Variants in FRMD5 observed in about 807,000 individuals in gnomAD.
The protein encoded by FRMD5 is FERM domain-containing protein 5.
A neutral mutation model predicts 69.0 loss-of-function variants in FRMD5; 20 were observed. That is an observed-to-expected ratio of 0.29 (90% CI 0.20 to 0.42). The LOEUF is 0.42. Ranked by LOEUF, FRMD5 falls within the 10% of genes least tolerant of loss-of-function variation. The pLI, the probability that FRMD5 is intolerant of heterozygous loss-of-function variation, is 1.00. For synonymous variants in FRMD5, 271 were observed against 260.1 expected (o/e 1.04, Z -0.40); for missense variants, 595 against 708.6 (o/e 0.84, Z 1.82).
Position 43,897,721 on chromosome 15 carries a change from T to C in FRMD5, c.639+4454A>G, listed in dbSNP as rs553066793. ...CATAAAGACACTGGTGAACTTACAT[T>C]AAATTTTTATAGGATGATGATATGG... On this transcript the variant is annotated intron_variant, in intron 7 of 13. Transcript: ENST00000417257. 2.0e-5 allele frequency among the ~76,000 whole-genome samples: 3 copies of C among 152,224 alleles called. No homozygotes were observed. In the East Asian group the frequency reaches 5.8e-4, roughly 29 times the overall value.
chr15:44,096,396 G>A (rs567252445), intron 1 of FRMD5, among the ~76,000 whole-genome samples: 57 of 150,038 alleles, frequency 3.8e-4, no homozygotes, highest in African/African-American at 1.3e-3. Flanking sequence ...AATCTAGTAC[G>A]GTGTATCTTT....
intron 1 of FRMD5, among the ~76,000 whole-genome samples, chr15:43,992,389 A>AT (rs1224938007): frequency 9.2e-6 from 1 of 108,962 alleles, no homozygotes; most frequent in Admixed American, 9.0e-5. Context: ...ATTTATTTTT[A>AT]TTTTTTTGAG....
chr15:43,911,993 G>A (rs998324230), intron 4 of FRMD5, among the ~76,000 whole-genome samples: 5 of 152,088 alleles, frequency 3.3e-5, no homozygotes, highest in Admixed American at 3.3e-4. Context: ...TCTCCTCAGC[G>A]CTTGCTACTC....
intron 1 of FRMD5, among the ~76,000 whole-genome samples, chr15:44,093,604 G>C (rs1392578973): frequency 4.1e-5 from 6 of 147,032 alleles, no homozygotes. Flanking sequence ...ACGGAGTCTC[G>C]CTCTGTCGCC....
chr15:44,030,459 A>C (rs1366010049), intron 1 of FRMD5, among the ~76,000 whole-genome samples: 1 of 152,182 alleles, frequency 6.6e-6, no homozygotes, highest in Non-Finnish European at 1.5e-5. Context: ...ATAATTCAGC[A>C]CTACTTTATG....
rs778551410 is a variant in FRMD5 at position 43,924,354 on chromosome 15, A to T, written c.103-45T>A. ...CATTGAGAAATGAGTGGGTTTCTTC[A>T]GTGTAACTTTTTTTTTTTTTATAGC... is the stretch of plus-strand genomic sequence containing the variant. On this transcript the variant is annotated intron_variant, in intron 1 of 13. Coordinates refer to ENST00000417257, the MANE Select transcript of FRMD5 (RefSeq NM_032892.5). The T allele has an allele frequency of 2.1e-6, 3 of 1,411,318 alleles. No homozygotes were observed. The South Asian group carries it at 3.7e-5, about 17-fold the overall frequency. The allele number at this position is 1,411,318 out of a possible 1,614,324, so 87.4% of individuals were successfully genotyped here. A position where few individuals can be genotyped will look rare whatever the true frequency, so the allele number is the denominator to read the frequency against.
chr15:44,104,641 CA>C (rs1463844753), intron 1 of FRMD5, among the ~76,000 whole-genome samples: 1 of 152,142 alleles, frequency 6.6e-6, no homozygotes, highest in African/African-American at 2.4e-5. Context: ...CTATAGTATT[CA>C]GTACAGTAAC....
At chr15:43,893,029 A>G (rs1435271295) in intron 7 of FRMD5, among the ~76,000 whole-genome samples, 1 of 151,782 alleles carries the variant, frequency 6.6e-6, no homozygotes, top group Non-Finnish European at 1.5e-5. Flanking sequence ...GCTTGAACCC[A>G]GGAGGTGGAG....
At chr15:44,109,369 A>G (rs1338630516) in intron 1 of FRMD5, among the ~76,000 whole-genome samples, 22 of 152,180 alleles carry the variant, frequency 1.4e-4, no homozygotes, top group Admixed American at 1.4e-3. Context: ...CTGGGTTGAC[A>G]GAATATTTTC....
At chr15:44,181,602 C>A (rs189518941) in intron 1 of FRMD5, among the ~76,000 whole-genome samples, 9 of 152,192 alleles carry the variant, frequency 5.9e-5, no homozygotes, top group Admixed American at 3.9e-4. Context: ...TAACTAACCA[C>A]CTTTTAAAGT....
At chr15:44,001,726 C>A (rs1354774856) in intron 1 of FRMD5, among the ~76,000 whole-genome samples, 1 of 151,986 alleles carries the variant, frequency 6.6e-6, no homozygotes, top group Non-Finnish European at 1.5e-5. Flanking sequence ...CCTGCCGCAG[C>A]CCCCCAAGTA....
At chr15:44,085,143 G>A (rs1303739545) in intron 1 of FRMD5, among the ~76,000 whole-genome samples, 1 of 152,070 alleles carries the variant, frequency 6.6e-6, no homozygotes, top group Non-Finnish European at 1.5e-5. Flanking sequence ...ATTTTAAAAG[G>A]TGAACAGGTA....
intron 1 of FRMD5, among the ~76,000 whole-genome samples, chr15:44,030,029 C>T (rs1483045513): frequency 2.0e-5 from 3 of 152,172 alleles, no homozygotes; most frequent in African/African-American, 4.8e-5. Flanking sequence ...AAACAAATCA[C>T]AAATTCTCTG....
At chr15:44,135,713 T>C (rs1044720201) in intron 1 of FRMD5, among the ~76,000 whole-genome samples, 1 of 151,024 alleles carries the variant, frequency 6.6e-6, no homozygotes, top group Non-Finnish European at 1.5e-5. Context: ...TAGTCCCAGC[T>C]ACTCAGGAGG....
intron 1 of FRMD5, among the ~76,000 whole-genome samples, chr15:43,963,016 A>G (rs966171831): frequency 2.0e-5 from 3 of 152,242 alleles, no homozygotes; most frequent in African/African-American, 7.2e-5. Flanking sequence ...CATGTCTAAA[A>G]CACCAAAAGC....
chr15:43,961,219 GA>G (rs1401207333), intron 1 of FRMD5, among the ~76,000 whole-genome samples: 1 of 152,064 alleles, frequency 6.6e-6, no homozygotes, highest in Non-Finnish European at 1.5e-5. Flanking sequence ...TGACAAAGGG[GA>G]TATCACCACC....
intron 1 of FRMD5, among the ~76,000 whole-genome samples, chr15:44,034,576 T>C (rs1168557093): frequency 6.6e-6 from 1 of 152,226 alleles, no homozygotes; most frequent in Non-Finnish European, 1.5e-5. Context: ...TTCATACTCC[T>C]TTGGGAGTTA....
At chr15:44,062,777 C>T (rs1893145532) in intron 1 of FRMD5, among the ~76,000 whole-genome samples, 2 of 151,736 alleles carry the variant, frequency 1.3e-5, no homozygotes, top group South Asian at 4.2e-4. Context: ...TTGGTATCCT[C>T]AATGGGTCCT....
At chr15:44,162,110 G>A (rs1215396091) in intron 1 of FRMD5, among the ~76,000 whole-genome samples, 2 of 152,000 alleles carry the variant, frequency 1.3e-5, no homozygotes, top group Non-Finnish European at 2.9e-5. Context: ...GATTACAGGC[G>A]TGTGTCACCA....
Sources: gnomAD v4.1 joint callset for allele counts (sites outside exome capture counted in the v4.1 genomes callset) on GRCh38, gnomAD v4.1.1 for gene constraint, MANE v1.5 for transcripts, NCBI Gene and HGNC (gene_info 2026-07-23, HGNC 2026-07-21) for gene names.